Variants in DIAPH3 observed in about 807,000 individuals in gnomAD.
DIAPH3 encodes the protein diaphanous related formin 3, also known as protein diaphanous homolog 3.
DIAPH3 carries 117 observed loss-of-function variants against 144.3 expected under a neutral mutation model. That is an observed-to-expected ratio of 0.81 (90% confidence interval 0.70 to 0.95). The LOEUF (loss-of-function observed/expected upper bound fraction) is 0.95, where lower values mean the gene tolerates loss of function less well. Among genes scored for constraint, DIAPH3 ranks in the 40% least tolerant of loss-of-function variants. DIAPH3 has a pLI of 0.00. For synonymous variants in DIAPH3, 519 were observed against 488.9 expected, an observed-to-expected ratio of 1.06 and a Z score of -0.81; for missense variants, 1,421 against 1,412.7, an observed-to-expected ratio of 1.01 and a Z score of -0.09.
chr13:59,852,525 A>G, intron 22 of DIAPH3, among the ~76,000 whole-genome samples: 1 of 152,244 alleles, frequency 6.6e-6, no homozygotes, highest in Non-Finnish European at 1.5e-5. Context: ...GTCAAAGTTC[A>G]AAATACAAAA....
At chr13:59,832,672 C>A (rs1280021703) in intron 24 of DIAPH3, among the ~76,000 whole-genome samples, 1 of 151,646 alleles carries the variant, frequency 6.6e-6, no homozygotes, top group Admixed American at 6.6e-5. Flanking sequence ...GAATGTAAAA[C>A]CTATTCAAAG....
At chr13:59,926,192 T>TG (rs1312329453) in intron 17 of DIAPH3, among the ~76,000 whole-genome samples, 3 of 151,886 alleles carry the variant, frequency 2.0e-5, no homozygotes, top group African/African-American at 7.3e-5. Flanking sequence ...CCCACTATAT[T>TG]GCCCAGGCTC....
intron 5 of DIAPH3, among the ~76,000 whole-genome samples, chr13:60,036,470 C>T (rs780845252): frequency 5.9e-4 from 89 of 151,730 alleles, no homozygotes; most frequent in Non-Finnish European, 1.1e-3. Flanking sequence ...TAGCCACAGG[C>T]AGCTAGTGGC....
chr13:60,129,479 T>C (rs1008395463), intron 2 of DIAPH3, among the ~76,000 whole-genome samples: 1 of 152,344 alleles, frequency 6.6e-6, no homozygotes, highest in Middle Eastern at 3.4e-3. Flanking sequence ...TCAATTCTGA[T>C]AGTAACTCAA....
At chr13:59,902,813 T>G (rs538004193) in intron 20 of DIAPH3, among the ~76,000 whole-genome samples, 1 of 152,078 alleles carries the variant, frequency 6.6e-6, no homozygotes, top group African/African-American at 2.4e-5. Flanking sequence ...AGAAAAACAA[T>G]GACTGAATGC....
At chr13:59,865,991 G>A (rs899924675) in intron 21 of DIAPH3, among the ~76,000 whole-genome samples, 1 of 151,806 alleles carries the variant, frequency 6.6e-6, no homozygotes, top group Non-Finnish European at 1.5e-5. Context: ...TATAATCTAG[G>A]TATGTATCAA....
At chr13:60,095,201 A>G (rs572064790) in intron 3 of DIAPH3, among the ~76,000 whole-genome samples, 13 of 152,290 alleles carry the variant, frequency 8.5e-5, no homozygotes, top group African/African-American at 2.4e-4. Context: ...CTCGAATTCA[A>G]TGGAACTGTT....
At chr13:60,077,379 C>CT (rs1175801697) in intron 4 of DIAPH3, among the ~76,000 whole-genome samples, 1 of 151,966 alleles carries the variant, frequency 6.6e-6, no homozygotes, top group East Asian at 1.9e-4. Flanking sequence ...ATTCCCAAAT[C>CT]TTAAATTATA....
At chr13:59,898,623 G>C (rs2046261504) in intron 20 of DIAPH3, among the ~76,000 whole-genome samples, 2 of 152,112 alleles carry the variant, frequency 1.3e-5, no homozygotes, top group Non-Finnish European at 2.9e-5. Context: ...ACCATATATT[G>C]TTTGAGGCAT....
chr13:59,861,384 A>G, intron 22 of DIAPH3, 23 bp downstream of exon 22: 1 of 1,613,544 alleles, frequency 6.2e-7, no homozygotes. Flanking sequence ...GAGCCATGAA[A>G]TGTTTCTTAA....
intron 10 of DIAPH3, 116 bp from the exon 11 acceptor site, chr13:59,992,302 T>G (rs1473042083): frequency 9.6e-7 from 1 of 1,045,892 alleles, no homozygotes; most frequent in Non-Finnish European, 1.4e-6. Context: ...ATTCGAACAT[T>G]TAAAGTGTTA....
intron 2 of DIAPH3, among the ~76,000 whole-genome samples, chr13:60,118,119 G>A (rs1181485158): frequency 2.0e-5 from 3 of 151,980 alleles, no homozygotes; most frequent in African/African-American, 4.8e-5. Flanking sequence ...TTAATATCAC[G>A]TATCTTCAGG....
chr13:59,713,364 G>C (rs1428994792), intron 27 of DIAPH3, among the ~76,000 whole-genome samples: 2 of 151,920 alleles, frequency 1.3e-5, no homozygotes, highest in Non-Finnish European at 2.9e-5. Flanking sequence ...GGCACAGTCT[G>C]TTTTTTGAAA....
intron 25 of DIAPH3, among the ~76,000 whole-genome samples, chr13:59,802,082 A>G (rs1426980136): frequency 1.3e-5 from 2 of 152,220 alleles, no homozygotes; most frequent in Non-Finnish European, 2.9e-5. Flanking sequence ...CAAAATACAA[A>G]GAAAAGAGAG....
intron 27 of DIAPH3, among the ~76,000 whole-genome samples, chr13:59,731,921 T>C (rs1182708318): frequency 6.6e-6 from 1 of 152,190 alleles, no homozygotes; most frequent in Non-Finnish European, 1.5e-5. Context: ...TCAATCCTGG[T>C]GTCTTATGTC....
intron 27 of DIAPH3, among the ~76,000 whole-genome samples, chr13:59,757,643 G>A (rs931249086): frequency 7.2e-5 from 11 of 151,756 alleles, no homozygotes; most frequent in African/African-American, 2.4e-4. Context: ...CTCGTGATCC[G>A]CCCACCTCGG....
intron 21 of DIAPH3, 127 bp downstream of exon 21, chr13:59,879,102 C>T (rs1209820638): frequency 1.5e-6 from 2 of 1,352,680 alleles, no homozygotes; most frequent in Non-Finnish European, 2.0e-6. Flanking sequence ...GGTTTGAGTT[C>T]ATGGTTCAGT....
At chr13:59,944,996 G>T (rs535524352) in intron 17 of DIAPH3, among the ~76,000 whole-genome samples, 24 of 152,090 alleles carry the variant, frequency 1.6e-4, no homozygotes, top group Admixed American at 1.5e-3. Context: ...CTAAGCTAGG[G>T]GTATTTCAAT....
intron 22 of DIAPH3, among the ~76,000 whole-genome samples, chr13:59,853,441 T>C (rs1336786547): frequency 6.6e-6 from 1 of 152,150 alleles, no homozygotes; most frequent in African/African-American, 2.4e-5. Flanking sequence ...CCTCTTGCTG[T>C]TCTCATGATA....
Sources: gnomAD v4.1 joint callset for allele counts (sites outside exome capture counted in the v4.1 genomes callset) on GRCh38, gnomAD v4.1.1 for gene constraint, MANE v1.5 for transcripts, NCBI Gene and HGNC (gene_info 2026-07-23, HGNC 2026-07-21) for gene names.